Variants in FGF14 observed in about 807,000 individuals in gnomAD.
FGF14 encodes the protein fibroblast growth factor 14, also known as fibroblast growth factor homologous factor 4.
In FGF14, 5 loss-of-function variants were observed where a neutral mutation model predicts 25.5. The ratio of observed to expected loss-of-function variants is 0.20; its 90% CI spans 0.10 to 0.41. The LOEUF is 0.41. Ranked by LOEUF, FGF14 falls within the 10% of genes least tolerant of loss-of-function variation. The pLI is 1.00. For missense variants in FGF14, 222 were observed against 320.1 expected, an observed-to-expected ratio of 0.69 and a Z score of 2.34; for synonymous variants, 138 against 118.3, an observed-to-expected ratio of 1.17 and a Z score of -1.08.
intron 1 of FGF14, among the ~76,000 whole-genome samples, chr13:102,104,457 G>T (rs1346438740): frequency 6.6e-6 from 1 of 152,132 alleles, no homozygotes; most frequent in Non-Finnish European, 1.5e-5. Flanking sequence ...AATAATCAAT[G>T]ATTTAAGAAC....
chr13:102,098,020 A>C (rs1466307100), intron 1 of FGF14, among the ~76,000 whole-genome samples: 1 of 152,186 alleles, frequency 6.6e-6, no homozygotes, highest in African/African-American at 2.4e-5. Context: ...ATGCAGCCCA[A>C]ATGGCCTCAT....
intron 1 of FGF14, among the ~76,000 whole-genome samples, chr13:102,183,403 AAGAC>A (rs1190442701): frequency 6.6e-6 from 1 of 152,194 alleles, no homozygotes; most frequent in Non-Finnish European, 1.5e-5. Context: ...TTGCTAAAGA[AAGAC>A]AAAGTCATTA....
chr13:101,879,217 G>A (rs1391724807), intron 1 of FGF14, among the ~76,000 whole-genome samples: 1 of 151,818 alleles, frequency 6.6e-6, no homozygotes, highest in Non-Finnish European at 1.5e-5. Flanking sequence ...CTCCAGTTTT[G>A]TCTTTTATTT....
intron 1 of FGF14, among the ~76,000 whole-genome samples, chr13:102,339,524 T>G (rs141937622): frequency 2.6e-5 from 4 of 152,156 alleles, no homozygotes; most frequent in African/African-American, 9.7e-5. Context: ...TGCTTAAAAA[T>G]TCCAAGGGGT....
intron 1 of FGF14, chr13:102,292,273 T>C (rs1394422863): frequency 1.2e-5 from 1 of 86,734 alleles, no homozygotes; most frequent in African/African-American, 5.1e-5. Context: ...CCTTATACTC[T>C]ATAGCAAAAA....
intron 3 of FGF14, among the ~76,000 whole-genome samples, chr13:101,760,590 G>C (rs1480467055): frequency 1.3e-5 from 2 of 152,146 alleles, no homozygotes; most frequent in Admixed American, 1.3e-4. Context: ...CCCTTAAACT[G>C]CTTTTGGCAT....
At chr13:102,291,396 C>G (rs1475467047) in intron 1 of FGF14, among the ~76,000 whole-genome samples, 1 of 152,138 alleles carries the variant, frequency 6.6e-6, no homozygotes, top group African/African-American at 2.4e-5. Context: ...CAGAGAGGAA[C>G]TCGCTAACAT....
At chr13:101,819,421 C>T (rs1276863283) in intron 3 of FGF14, among the ~76,000 whole-genome samples, 1 of 152,024 alleles carries the variant, frequency 6.6e-6, no homozygotes, top group Non-Finnish European at 1.5e-5. Context: ...GAATCTTGCC[C>T]CAAAATTGGG....
intron 1 of FGF14, among the ~76,000 whole-genome samples, chr13:101,892,048 C>T (rs1476312841): frequency 6.6e-6 from 1 of 152,080 alleles, no homozygotes; most frequent in East Asian, 1.9e-4. Flanking sequence ...ACTTGGCAGA[C>T]TTACAGGAGA....
chr13:102,012,205 G>A (rs1466207860), intron 1 of FGF14, among the ~76,000 whole-genome samples: 2 of 152,022 alleles, frequency 1.3e-5, no homozygotes, highest in Non-Finnish European at 2.9e-5. Flanking sequence ...AGAGAAGGAG[G>A]GGCTGGGGGT....
intron 1 of FGF14, among the ~76,000 whole-genome samples, chr13:102,024,663 T>A (rs988092748): frequency 1.3e-5 from 2 of 151,900 alleles, no homozygotes; most frequent in African/African-American, 4.8e-5. Context: ...GATTTTTGTG[T>A]CTTTTCTAAG....
At chr13:102,371,575 T>G (rs867885832) in intron 1 of FGF14, among the ~76,000 whole-genome samples, 6 of 152,148 alleles carry the variant, frequency 3.9e-5, no homozygotes, top group Non-Finnish European at 7.4e-5. Flanking sequence ...CATTATAATG[T>G]CAATATTGTA....
chr13:102,330,837 T>C (rs1034915427), intron 1 of FGF14, among the ~76,000 whole-genome samples: 9 of 152,176 alleles, frequency 5.9e-5, no homozygotes, highest in African/African-American at 2.2e-4. Context: ...CTGTCTCCCC[T>C]CTACAAGTAG....
chr13:101,973,501 G>C (rs906514290), intron 1 of FGF14, among the ~76,000 whole-genome samples: 1 of 152,104 alleles, frequency 6.6e-6, no homozygotes, highest in African/African-American at 2.4e-5. Context: ...AGTTTATTAA[G>C]AATTAACTCA....
At chr13:102,149,156 T>C (rs1277997218) in intron 1 of FGF14, among the ~76,000 whole-genome samples, 2 of 151,924 alleles carry the variant, frequency 1.3e-5, no homozygotes, top group Non-Finnish European at 1.5e-5. Flanking sequence ...ATTAAAGTAA[T>C]ATGAATAATT....
intron 1 of FGF14, among the ~76,000 whole-genome samples, chr13:102,278,588 T>C (rs1269598395): frequency 1.3e-5 from 2 of 151,402 alleles, no homozygotes; most frequent in East Asian, 1.9e-4. Context: ...AAAATGCAAG[T>C]GTAAGCAATG....
intron 1 of FGF14, among the ~76,000 whole-genome samples, chr13:102,364,723 A>T (rs2057660333): frequency 6.6e-6 from 1 of 152,180 alleles, no homozygotes; most frequent in Non-Finnish European, 1.5e-5. Context: ...CCTTCACTGG[A>T]ACCATCCACA....
intron 1 of FGF14, among the ~76,000 whole-genome samples, chr13:102,342,689 C>A (rs904506435): frequency 2.6e-5 from 4 of 152,066 alleles, no homozygotes; most frequent in Non-Finnish European, 4.4e-5. Context: ...TTAATAGTCA[C>A]AGGAAGCCAA....
At chr13:102,148,185 C>CTTATATT (rs2046932999) in intron 1 of FGF14, among the ~76,000 whole-genome samples, 1 of 151,962 alleles carries the variant, frequency 6.6e-6, no homozygotes, top group African/African-American at 2.4e-5. Flanking sequence ...AAAATCTTAT[C>CTTATATT]TTATATTTAA....
Sources: gnomAD v4.1 joint callset for allele counts (sites outside exome capture counted in the v4.1 genomes callset) on GRCh38, gnomAD v4.1.1 for gene constraint, MANE v1.5 for transcripts, NCBI Gene and HGNC (gene_info 2026-07-23, HGNC 2026-07-21) for gene names.